Variants in GALNT9 observed in about 807,000 individuals in gnomAD.
GALNT9 encodes the protein polypeptide N-acetylgalactosaminyltransferase 9.
Under a neutral mutation model 63.1 loss-of-function variants are expected in GALNT9, and 47 were observed. The observed-to-expected ratio is 0.75, with a 90% CI of 0.59 to 0.95. The LOEUF (loss-of-function observed/expected upper bound fraction) is 0.95. GALNT9 is among the 40% of genes least tolerant of loss of function. The pLI is 0.00. For missense variants in GALNT9, 829 were observed against 874.8 expected, an observed-to-expected ratio of 0.95 and a Z score of 0.66; for synonymous variants, 396 against 365.7, an observed-to-expected ratio of 1.08 and a Z score of -0.94.
At chr12:132,240,851 C>T (rs1878266007) in intron 6 of GALNT9, 3 of 393,344 alleles carry the variant, frequency 7.6e-6, no homozygotes, top group South Asian at 5.6e-5. Flanking sequence ...ACACACACCA[C>T]ACCCCCTTCC....
chr12:132,206,139 G>A (rs11246997), intron 6 of GALNT9: 28,614 of 151,900 alleles, frequency 0.19, 2,841 homozygotes, highest in Middle Eastern at 0.34. Flanking sequence ...TCCTGTCCTC[G>A]GGCCTCACGC....
At chr12:132,290,980 A>T (rs1281683812) in intron 1 of GALNT9, among the ~76,000 whole-genome samples, 16 of 32,560 alleles carry the variant, frequency 4.9e-4, no homozygotes, top group South Asian at 3.5e-3. Flanking sequence ...AGCACCCACA[A>T]CCACAGCACC....
chr12:132,255,690 G>A (rs1385027215), intron 5 of GALNT9, among the ~76,000 whole-genome samples: 1 of 152,200 alleles, frequency 6.6e-6, no homozygotes, highest in Non-Finnish European at 1.5e-5. Flanking sequence ...CCCACTTCCG[G>A]TCCTCCCGCC....
Position 132,197,959 on chromosome 12 carries a change from G to C in GALNT9, c.1498C>G (p.Leu500Val). ...AGTCCATCAGCGCTGTACCGCACCAGCTGGGGACAGGACCACCGGGACTGT... is the reference window on the plus strand; with the variant it reads ...AGTCCATCAGCGCTGTACCGCACCACCTGGGGACAGGACCACCGGGACTGT... The part of the protein sequence containing the change: ...LYPCHGMSSQ[L>V]VRYSADGLLQ... The change falls in exon 10 of 11, where the codon CTG becomes GTG. Residue 500 changes from leucine to valine, a missense_variant and splice_region_variant. Physicochemically the swap from Leu to Val is conservative, Grantham distance 32. Transcript: ENST00000328957. 2.5e-6 allele frequency: 4 copies of C among 1,605,756 alleles called. No individual in the cohort carries two copies. Among genetic ancestry groups the C allele is most frequent in the South Asian group, 1.1e-5 (1 of 90,186 alleles).
chr12:132,271,897 A>G (rs1485131095), intron 2 of GALNT9, among the ~76,000 whole-genome samples: 4 of 152,118 alleles, frequency 2.6e-5, no homozygotes, highest in Non-Finnish European at 5.9e-5. Flanking sequence ...GGCAGCAGCC[A>G]TGTGGGGCCA....
intron 6 of GALNT9, 51 bp from the exon 7 acceptor site, chr12:132,203,741 A>T (rs901284902): frequency 6.4e-7 from 1 of 1,568,468 alleles, no homozygotes; most frequent in Non-Finnish European, 8.5e-7. Flanking sequence ...GGAAGCGGGC[A>T]GCCCGGCCAG....
intron 1 of GALNT9, among the ~76,000 whole-genome samples, chr12:132,295,121 G>A (rs1359025299): frequency 1.3e-5 from 2 of 152,236 alleles, no homozygotes; most frequent in Non-Finnish European, 2.9e-5. Context: ...GGAGCGGCCG[G>A]TGCTGCCACA....
intron 6 of GALNT9, among the ~76,000 whole-genome samples, chr12:132,211,945 T>C (rs979418972): frequency 2.0e-5 from 3 of 152,194 alleles, no homozygotes; most frequent in East Asian, 1.9e-4. Context: ...AAGGTCCCAT[T>C]ATTCAGTGGA....
chr12:132,236,693 G>A lies in GALNT9; in HGVS notation c.1077+11217C>T, dbSNP rs1878015404. Among the ~76,000 whole-genome samples the A allele has an allele frequency of 1.3e-5, 2 of 152,196 alleles. No individual in the cohort carries two copies. The highest frequency in any genetic ancestry group is 1.3e-4 in the Admixed American group (2 of 15,286). The stretch of plus-strand genomic sequence containing the variant: ...CGAAGATCGCCCAGCCTCGCAAGGT[G>A]TAAGGTTTCGGGGCATCAAGCCTGG... On this transcript the variant is annotated intron_variant, in intron 6 of 10. Transcript: ENST00000328957. The surrounding 1 kb of genome is among the most constrained non-coding windows in gnomAD (Gnocchi z 5.6).
chr12:132,267,781 G>GCACT (rs797041551), intron 2 of GALNT9, among the ~76,000 whole-genome samples: 5 of 93,268 alleles, frequency 5.4e-5, no homozygotes, highest in African/African-American at 2.8e-4. Flanking sequence ...TCACACACAC[G>GCACT]CACACACACG....
chr12:132,317,344 G>GC (rs1195855129), intron 1 of GALNT9, among the ~76,000 whole-genome samples: 19 of 152,102 alleles, frequency 1.2e-4, no homozygotes, highest in Non-Finnish European at 1.9e-4. Flanking sequence ...GCCTTGCACT[G>GC]CCCCCCCAGG....
At chr12:132,267,265 T>C (rs1879636540) in intron 2 of GALNT9, among the ~76,000 whole-genome samples, 1 of 150,980 alleles carries the variant, frequency 6.6e-6, no homozygotes, top group Non-Finnish European at 1.5e-5. Context: ...CGCCAGCTTG[T>C]GGCAGGGGTG....
At chr12:132,241,104 C>G (rs2136900745) in intron 6 of GALNT9, among the ~76,000 whole-genome samples, 2 of 131,574 alleles carry the variant, frequency 1.5e-5, no homozygotes, top group African/African-American at 3.0e-5. Flanking sequence ...CTCCCTATAC[C>G]CATTACACAC....
chr12:132,304,242 C>G (rs1446282681), intron 1 of GALNT9, among the ~76,000 whole-genome samples: 1 of 50,778 alleles, frequency 2.0e-5, no homozygotes, highest in African/African-American at 8.2e-5. Context: ...GGCACACCCT[C>G]ACCCAGACAC....
rs1869198144 is a variant in GALNT9 at position 132,329,369 on chromosome 12, G to C, written c.-166C>G. 1 of 1,025,370 alleles carries C rather than the reference G, an allele frequency of 9.8e-7. No individual in the cohort carries two copies. Among genetic ancestry groups the C allele is most frequent in the Non-Finnish European group, 1.3e-6 (1 of 771,428 alleles). 63.5% of individuals were successfully genotyped at this position (1,025,370 alleles called of 1,614,324 possible). A position where few individuals can be genotyped will look rare whatever the true frequency, so the allele number is the denominator to read the frequency against. On this transcript the variant is annotated 5_prime_UTR_variant, in exon 1 of 11. Coordinates refer to ENST00000328957, the MANE Select transcript of GALNT9 (RefSeq NM_001122636.2). ...GCACCAGCTCAGCGCGCCGGGCCAC[G>C]GCCGCCGGGGGTCCCCCAGAGCGCA...
intron 6 of GALNT9, among the ~76,000 whole-genome samples, chr12:132,230,441 G>A (rs888482409): frequency 6.6e-6 from 1 of 152,230 alleles, no homozygotes; most frequent in Non-Finnish European, 1.5e-5. Context: ...CGGGCACCTG[G>A]CGTTCGCTGC....
intron 6 of GALNT9, among the ~76,000 whole-genome samples, chr12:132,244,100 G>A (rs1555237790): frequency 2.7e-5 from 4 of 149,504 alleles, no homozygotes; most frequent in Non-Finnish European, 4.4e-5. Context: ...CCGGCCACTC[G>A]GACCACGGTG....
intron 6 of GALNT9, among the ~76,000 whole-genome samples, chr12:132,237,574 CCTG>C (rs2136895473): frequency 0.012 from 1,867 of 152,228 alleles, 19 homozygotes; most frequent in Non-Finnish European, 0.017. Context: ...CCTGCTCACA[CCTG>C]CTAACACCTG....
intron 1 of GALNT9, among the ~76,000 whole-genome samples, chr12:132,313,878 C>CCTTA (rs1468568333): frequency 7.6e-6 from 1 of 131,532 alleles, no homozygotes; most frequent in Middle Eastern, 4.2e-3. Context: ...ACCCATCCAT[C>CCTTA]CGTACATACA....
Sources: allele counts gnomAD v4.1 joint callset (sites outside exome capture counted in the v4.1 genomes callset), GRCh38; gene constraint gnomAD v4.1.1; non-coding constraint Gnocchi (gnomAD v3.1); transcripts MANE v1.5; gene names NCBI Gene and HGNC (gene_info 2026-07-23, HGNC 2026-07-21).